The following CLIC5 variants were observed in gnomAD, a reference collection of about 807,000 sequenced individuals.
CLIC5 encodes chloride intracellular channel protein 5.
CLIC5 carries 20 observed loss-of-function variants against 24.7 expected under a neutral mutation model. The observed-to-expected ratio is 0.81, with a 90% CI of 0.57 to 1.18. The LOEUF (loss-of-function observed/expected upper bound fraction) is 1.18, where lower values mean the gene tolerates loss of function less well. Among genes scored for constraint, CLIC5 ranks in the 50% most tolerant of loss-of-function variants. The pLI is 0.00. For synonymous variants in CLIC5, 159 were observed against 135.6 expected (o/e 1.17, Z -1.20); for missense variants, 341 against 326.1 (o/e 1.05, Z -0.35).
chr6:46,045,167 C>T (rs886641002), intron 1 of CLIC5, among the ~76,000 whole-genome samples: 1 of 152,128 alleles, frequency 6.6e-6, no homozygotes, highest in African/African-American at 2.4e-5. Flanking sequence ...AATTAGCTTC[C>T]TCTTTTTAAT....
intron 3 of CLIC5, 105 bp downstream of exon 3, chr6:45,949,151 T>G (rs1764383717): frequency 7.0e-7 from 1 of 1,430,714 alleles, no homozygotes; most frequent in Admixed American, 2.1e-5. Flanking sequence ...TCTGGACTGG[T>G]GAGGTTCCTT....
At chr6:46,124,872 A>G in the CLIC5 span, among the ~76,000 whole-genome samples, 79 of 152,338 alleles carry the variant, frequency 5.2e-4, no homozygotes, top group East Asian at 0.014. Flanking sequence ...CAAAACCACA[A>G]TGAGATGTCA....
At chr6:45,915,032 C>T (rs113672369) in intron 4 of CLIC5, among the ~76,000 whole-genome samples, 36 of 151,844 alleles carry the variant, frequency 2.4e-4, no homozygotes, top group South Asian at 1.0e-3. Context: ...CTGGTTCAAA[C>T]GATTTTCCTG....
rs1762477732 is a variant in CLIC5, at chr6:45,900,304, A to G, written c.*2784T>C. On this transcript the variant is annotated 3_prime_UTR_variant, in exon 6 of 6. Transcript: ENST00000339561. Reference sequence around the variant, plus strand: ...AAATACATCCCCTTTCTGTGCCACCAAAATGCTTTCTGAGCGATTTGTATT... The same window carrying G: ...AAATACATCCCCTTTCTGTGCCACCGAAATGCTTTCTGAGCGATTTGTATT... 6.6e-6 allele frequency: 1 copy of G among 152,182 alleles called. No homozygotes were observed. Among genetic ancestry groups the G allele is most frequent in the Non-Finnish European group, 1.5e-5 (1 of 68,064 alleles). The allele number at this position is 152,182 out of a possible 1,614,324, so 9.4% of individuals were successfully genotyped here.
At chr6:46,114,595 G>A in the CLIC5 span, among the ~76,000 whole-genome samples, 5 of 152,144 alleles carry the variant, frequency 3.3e-5, no homozygotes, top group Non-Finnish European at 7.4e-5. Context: ...GTGTGTTTCA[G>A]GTGGTCTCTG....
rs916967575 is a variant in CLIC5 at position 45,967,663 on chromosome 6, T to C, written c.64-12419A>G. ...ATTGAAAAGAGATTTAGTTGGCTGA[T>C]GGTCCTGCAGGCTGTACAAGTGCCA... On this transcript the variant is annotated intron_variant, in intron 1 of 5. Coordinates refer to ENST00000339561, the MANE Select transcript of CLIC5 (RefSeq NM_016929.5). Among the ~76,000 whole-genome samples, 13 of 152,184 alleles carry C rather than the reference T, an allele frequency of 8.5e-5. 1 individual carries two copies. The highest frequency in any genetic ancestry group is 3.1e-4 in the African/African-American group (13 of 41,450).
intron 1 of CLIC5, among the ~76,000 whole-genome samples, chr6:45,989,571 G>A (rs968782043): frequency 2.0e-5 from 3 of 152,176 alleles, no homozygotes; most frequent in Admixed American, 6.5e-5. Flanking sequence ...TAATAAGCAC[G>A]TAAGTCAGGT....
At chr6:45,929,426 C>T (rs1490215145) in intron 4 of CLIC5, among the ~76,000 whole-genome samples, 2 of 152,156 alleles carry the variant, frequency 1.3e-5, no homozygotes, top group African/African-American at 2.4e-5. Flanking sequence ...TGGGTCCCAC[C>T]GAGCCTAGGT....
chr6:45,995,768 T>C (rs1166674639), intron 1 of CLIC5, among the ~76,000 whole-genome samples: 1 of 152,140 alleles, frequency 6.6e-6, no homozygotes, highest in East Asian at 1.9e-4. Flanking sequence ...ACATACACCA[T>C]GGAATACTAT....
At chr6:46,028,713 C>T (rs1017513728) in intron 1 of CLIC5, among the ~76,000 whole-genome samples, 1 of 152,118 alleles carries the variant, frequency 6.6e-6, no homozygotes, top group African/African-American at 2.4e-5. Context: ...CCCATGTACA[C>T]CCTGCCTCCA....
At chr6:45,917,822 G>C (rs539278753) in intron 4 of CLIC5, among the ~76,000 whole-genome samples, 2 of 152,282 alleles carry the variant, frequency 1.3e-5, no homozygotes, top group African/African-American at 4.8e-5. Context: ...TTTCTGCTCT[G>C]GTAGGAACAA....
chr6:46,064,619 A>G (rs1411138391), intron 1 of CLIC5, among the ~76,000 whole-genome samples: 1 of 152,202 alleles, frequency 6.6e-6, no homozygotes, highest in Non-Finnish European at 1.5e-5. Flanking sequence ...AGTCAAATTT[A>G]GAAGTCTATA....
chr6:46,065,859 G>C (rs1251253694), intron 1 of CLIC5, among the ~76,000 whole-genome samples: 2 of 152,080 alleles, frequency 1.3e-5, no homozygotes, highest in Non-Finnish European at 2.9e-5. Flanking sequence ...GTATACATTT[G>C]TCAAAACTCC....
At chr6:46,008,639 C>CT (rs11387755) in intron 1 of CLIC5, among the ~76,000 whole-genome samples, 9,387 of 152,220 alleles carry the variant, frequency 0.062, 466 homozygotes, top group African/African-American at 0.14. Flanking sequence ...ATTTTATCCC[C>CT]AACTCCCTAC....
intron 3 of CLIC5, 66 bp downstream of exon 3, chr6:45,949,190 C>T: frequency 1.3e-6 from 2 of 1,549,476 alleles, no homozygotes; most frequent in African/African-American, 1.4e-5. Flanking sequence ...AAGTTAACAC[C>T]AGGACTTTAT....
At chr6:46,079,865 C>T in exon 1 of CLIC5, 1 of 1,552,176 alleles carries the variant, frequency 6.4e-7, no homozygotes. Flanking sequence ...CACTCCCATT[C>T]TCCTGGAGTT....
intron 1 of CLIC5, among the ~76,000 whole-genome samples, chr6:45,998,791 A>G (rs139458759): frequency 1.3e-5 from 2 of 152,274 alleles, no homozygotes; most frequent in African/African-American, 4.8e-5. Flanking sequence ...ATCATGCCAC[A>G]TTCGTTCAAT....
At chr6:45,923,851 G>A (rs1763368822) in intron 4 of CLIC5, among the ~76,000 whole-genome samples, 3 of 152,198 alleles carry the variant, frequency 2.0e-5, no homozygotes, top group Non-Finnish European at 2.9e-5. Flanking sequence ...CATGGGACCA[G>A]CTGCCTGGGC....
In CLIC5 at chr6:45,944,006, C is replaced by T. The variant is rs76048509; in HGVS notation, c.300-2353G>A. Among the ~76,000 whole-genome samples the T allele has an allele frequency of 3.8e-3, 581 of 152,148 alleles. 4 individuals carry two copies. The highest frequency in any genetic ancestry group is 0.012 in the African/African-American group (498 of 41,500). On this transcript the variant is annotated intron_variant, in intron 3 of 5. Transcript: ENST00000339561. ...GGCGTGTTTTAAATATGCAAATAAG[C>T]GGGCTACAAAGTACATTCTGTTTCT... is the stretch of plus-strand genomic sequence containing the variant.
Sources: allele counts gnomAD v4.1 joint callset (sites outside exome capture counted in the v4.1 genomes callset), GRCh38; gene constraint gnomAD v4.1.1; transcripts MANE v1.5; gene names NCBI Gene and HGNC (gene_info 2026-07-23, HGNC 2026-07-21).